Variants in NEK7 observed in about 807,000 individuals in gnomAD.
NEK7 encodes the protein NIMA related kinase 7, also known as serine/threonine-protein kinase Nek7.
A neutral mutation model predicts 44.6 loss-of-function variants in NEK7; 18 were observed. That is an observed-to-expected ratio of 0.40 (90% CI 0.28 to 0.60). NEK7 has a LOEUF of 0.60. Among genes scored for constraint, NEK7 ranks in the 20% least tolerant of loss-of-function variants. NEK7 has a pLI of 0.38. For missense variants in NEK7, 256 were observed against 366.5 expected (o/e 0.70, Z 2.46); for synonymous variants, 130 against 121.1 (o/e 1.07, Z -0.48).
chr1:198,296,478 A>C (rs1654718473), intron 8 of NEK7, among the ~76,000 whole-genome samples: 1 of 152,188 alleles, frequency 6.6e-6, no homozygotes. Flanking sequence ...GTTTTTCTGC[A>C]TAAAAATCTC....
At chr1:198,216,356 A>G (rs1048959569) in intron 1 of NEK7, among the ~76,000 whole-genome samples, 3 of 152,084 alleles carry the variant, frequency 2.0e-5, no homozygotes, top group Non-Finnish European at 4.4e-5. Context: ...TGAGATCAAG[A>G]TGGAAATTTA....
intron 1 of NEK7, among the ~76,000 whole-genome samples, chr1:198,206,395 T>C (rs559047159): frequency 6.6e-6 from 1 of 152,250 alleles, no homozygotes; most frequent in South Asian, 2.1e-4. Flanking sequence ...CTAGAAGCCT[T>C]TGTATTTAGA....
At chr1:198,258,225 A>T (rs373758489) in intron 3 of NEK7, among the ~76,000 whole-genome samples, 11 of 152,218 alleles carry the variant, frequency 7.2e-5, no homozygotes, top group Admixed American at 5.2e-4. Context: ...CAGATGACGA[A>T]GTCAAGAGAT....
intron 1 of NEK7, among the ~76,000 whole-genome samples, chr1:198,192,261 T>A (rs1261132157): frequency 1.3e-5 from 2 of 151,862 alleles, no homozygotes; most frequent in Non-Finnish European, 2.9e-5. Context: ...TGTAATTTTT[T>A]ATTTATTTTT....
At chr1:198,315,290 C>T (rs897735032) in intron 9 of NEK7, among the ~76,000 whole-genome samples, 15 of 152,336 alleles carry the variant, frequency 9.8e-5, no homozygotes, top group South Asian at 4.1e-4. Flanking sequence ...CGCCCTGCTT[C>T]GGCTCGCGCA....
At position 198,297,156 on chromosome 1, in the gene NEK7, T is replaced by C; in HGVS notation, c.714T>C (p.Gly238=). 6.2e-7 allele frequency: 1 copy of C among 1,613,232 alleles called. No individual in the cohort carries two copies. The highest frequency in any genetic ancestry group is 1.1e-5 in the South Asian group (1 of 91,054). The part of the protein sequence containing the change: ...EMAALQSPFY[G]DKMNLYSLCK... Reference sequence around the variant, plus strand: ...CTGCATTACAAAGTCCTTTCTATGGTGACAAAATGAATTTATACTCACTGT... The same window carrying C: ...CTGCATTACAAAGTCCTTTCTATGGCGACAAAATGAATTTATACTCACTGT... Residue 238 remains glycine (G), a synonymous_variant, in exon 9 of 10, where the codon GGT becomes GGC. Transcript: ENST00000367385.
intron 1 of NEK7, among the ~76,000 whole-genome samples, chr1:198,169,727 C>T (rs760977052): frequency 4.6e-5 from 7 of 152,164 alleles, no homozygotes; most frequent in Non-Finnish European, 8.8e-5. Flanking sequence ...CCTTTAAGGC[C>T]CTGCTCAAGT....
chr1:198,220,854 C>T (rs919658685), intron 1 of NEK7: 15 of 151,860 alleles, frequency 9.9e-5, no homozygotes, highest in Admixed American at 6.6e-4. Flanking sequence ...TATGATTGAT[C>T]CTCTTTTTTT....
intron 7 of NEK7, among the ~76,000 whole-genome samples, chr1:198,284,737 T>C (rs912400081): frequency 2.0e-5 from 3 of 152,168 alleles, no homozygotes; most frequent in African/African-American, 7.2e-5. Context: ...ATCTTAATCA[T>C]TGAATATTTA....
chr1:198,235,670 G>T (rs1213256614), intron 2 of NEK7, among the ~76,000 whole-genome samples: 1 of 152,098 alleles, frequency 6.6e-6, no homozygotes, highest in Non-Finnish European at 1.5e-5. Context: ...GGTGAAGATG[G>T]CTATGGTAGA....
chr1:198,285,549 G>A (rs911816762), intron 7 of NEK7, among the ~76,000 whole-genome samples: 7 of 152,020 alleles, frequency 4.6e-5, no homozygotes, highest in African/African-American at 1.2e-4. Context: ...ATCAACATAC[G>A]TTTTTGTGAT....
At chr1:198,250,120 C>T (rs920117478) in intron 2 of NEK7, among the ~76,000 whole-genome samples, 1 of 149,996 alleles carries the variant, frequency 6.7e-6, no homozygotes, top group East Asian at 2.0e-4. Context: ...TTCCCAGCAC[C>T]GTTTATTAAA....
At chr1:198,188,427 T>G (rs1664980162) in intron 1 of NEK7, among the ~76,000 whole-genome samples, 1 of 152,126 alleles carries the variant, frequency 6.6e-6, no homozygotes, top group Admixed American at 6.6e-5. Flanking sequence ...TGGCCCTTCA[T>G]GGTGGTTATG....
chr1:198,293,224 A>C (rs1654612694), intron 8 of NEK7, among the ~76,000 whole-genome samples, 185 bp downstream of exon 8: 7 of 151,900 alleles, frequency 4.6e-5, no homozygotes, highest in Admixed American at 4.6e-4. Context: ...TACACATCTA[A>C]TATATTTTTA....
chr1:198,177,257 G>A lies in NEK7; in HGVS notation c.-29+19981G>A, dbSNP rs546517492. Among the ~76,000 whole-genome samples, 4 of 152,224 alleles carry A rather than the reference G, an allele frequency of 2.6e-5. No homozygotes were observed. In the South Asian group the frequency reaches 6.2e-4, roughly 24 times the overall value. On this transcript the variant is annotated intron_variant, in intron 1 of 9. Coordinates refer to ENST00000367385, the MANE Select transcript of NEK7 (RefSeq NM_133494.3). ...AACACACAGTTCTGAACCAATAATT[G>A]ATGAAAGTAAATTACTGTTCTTCAG...
intron 1 of NEK7, among the ~76,000 whole-genome samples, chr1:198,163,966 C>T (rs1664186246): frequency 6.6e-6 from 1 of 152,086 alleles, no homozygotes; most frequent in African/African-American, 2.4e-5. Context: ...GTTGGCTGGG[C>T]ACTGTGGCTC....
At chr1:198,174,879 A>T (rs757385201) in intron 1 of NEK7, among the ~76,000 whole-genome samples, 4 of 151,740 alleles carry the variant, frequency 2.6e-5, no homozygotes, top group Admixed American at 2.6e-4. Flanking sequence ...CACCTTACTG[A>T]CCAAGTAGCT....
chr1:198,270,196 T>G (rs556224686), intron 5 of NEK7, among the ~76,000 whole-genome samples: 1 of 152,140 alleles, frequency 6.6e-6, no homozygotes, highest in East Asian at 1.9e-4. Context: ...TAAATTTTCA[T>G]AGTTCATTTC....
At chr1:198,293,420 CAA>C (rs907646194) in intron 8 of NEK7, among the ~76,000 whole-genome samples, 36 of 151,858 alleles carry the variant, frequency 2.4e-4, no homozygotes, top group African/African-American at 7.7e-4. Context: ...ATATTTTTAT[CAA>C]TATTTTATTT....
Sources: allele counts gnomAD v4.1 joint callset (sites outside exome capture counted in the v4.1 genomes callset), GRCh38; gene constraint gnomAD v4.1.1; transcripts MANE v1.5; gene names NCBI Gene and HGNC (gene_info 2026-07-23, HGNC 2026-07-21).